WDR43: variants seen among roughly 807,000 people sequenced by gnomAD.
The protein encoded by WDR43 is WD repeat-containing protein 43.
In WDR43, 13 loss-of-function variants were observed where a neutral mutation model predicts 91.4. The observed-to-expected ratio is 0.14, with a 90% CI of 0.09 to 0.23. The LOEUF is 0.23. Among genes scored for constraint, WDR43 ranks in the 10% least tolerant of loss-of-function variants. WDR43 has a pLI of 1.00. For missense variants in WDR43, 780 were observed against 809.4 expected (o/e 0.96, Z 0.44); for synonymous variants, 331 against 287.9 (o/e 1.15, Z -1.51).
intron 7 of WDR43, among the ~76,000 whole-genome samples, 153 bp downstream of exon 7, chr2:28,923,136 C>T (rs981341906): frequency 6.6e-6 from 1 of 152,134 alleles, no homozygotes; most frequent in Non-Finnish European, 1.5e-5. Context: ...TATACATTGC[C>T]AGTTAAAACT....
In WDR43 at chr2:28,895,618, G is replaced by T. The variant is rs575922911; in HGVS notation, c.225+695G>T. On this transcript the variant is annotated intron_variant, in intron 1 of 17. Coordinates refer to ENST00000407426, the MANE Select transcript of WDR43 (RefSeq NM_015131.3). The stretch of plus-strand genomic sequence containing the variant: ...CTGAAGTCTGTATTAGGATGTGGAG[G>T]TTAAGTGAAGTAGTAGCTTGATTTA... 1.1e-4 allele frequency among the ~76,000 whole-genome samples: 17 copies of T among 152,276 alleles called. No individual in the cohort carries two copies. In the South Asian group the frequency reaches 3.5e-3, roughly 32 times the overall value.
chr2:28,929,616 A>G lies in WDR43; in HGVS notation c.1343A>G (p.Asp448Gly). ...GAACGTCTGGGAGCAATGGATATAG[A>G]CACACACAAAAAAGGAAAGGAAGAC... ...IEERLGAMDI[D>G]THKKGKEDLQ... Residue 448 changes from aspartate (D) to glycine (G), a missense_variant, in exon 11 of 18, where the codon GAC becomes GGC. Physicochemically the swap from Asp to Gly is moderately conservative, Grantham distance 94. Coordinates refer to ENST00000407426, the MANE Select transcript of WDR43 (RefSeq NM_015131.3). 6.2e-7 allele frequency: 1 copy of G among 1,613,618 alleles called. No individual in the cohort carries two copies. Among genetic ancestry groups the G allele is most frequent in the South Asian group, 1.1e-5 (1 of 91,058 alleles).
At chr2:28,900,936 G>A (rs1670568892) in intron 1 of WDR43, among the ~76,000 whole-genome samples, 1 of 152,270 alleles carries the variant, frequency 6.6e-6, no homozygotes, top group Non-Finnish European at 1.5e-5. Flanking sequence ...AGAAAAAAAT[G>A]GAAAGTGCTT....
At chr2:28,912,538 G>C in intron 3 of WDR43, 52 bp from the exon 4 acceptor site, 1 of 1,583,302 alleles carries the variant, frequency 6.3e-7, no homozygotes, top group African/African-American at 1.4e-5. Context: ...TCTGCTCTGA[G>C]TAAAGTTTTC....
At chr2:28,919,429 G>A (rs1670979423) in intron 6 of WDR43, among the ~76,000 whole-genome samples, 1 of 152,164 alleles carries the variant, frequency 6.6e-6, no homozygotes, top group African/African-American at 2.4e-5. Context: ...AGCACTTTGG[G>A]AGGCCGAGGC....
chr2:28,916,687 T>C (rs949231914), intron 5 of WDR43, among the ~76,000 whole-genome samples: 2 of 152,174 alleles, frequency 1.3e-5, no homozygotes, highest in Non-Finnish European at 2.9e-5. Context: ...TTTATAATTG[T>C]TAAGTCCTAT....
At chr2:28,936,272 AAT>A (rs1671336315) in intron 12 of WDR43, among the ~76,000 whole-genome samples, 1 of 152,168 alleles carries the variant, frequency 6.6e-6, no homozygotes, top group Admixed American at 6.5e-5. Context: ...TAGGCCTAAA[AAT>A]AGAGTGTATT....
At chr2:28,939,272 C>T (rs1218326575) in intron 14 of WDR43, among the ~76,000 whole-genome samples, 1 of 152,014 alleles carries the variant, frequency 6.6e-6, no homozygotes, top group African/African-American at 2.4e-5. Context: ...TGAACGATCC[C>T]AGCAGACATC....
At chr2:28,937,212 T>A (rs142733436) in intron 13 of WDR43, among the ~76,000 whole-genome samples, 1 of 152,210 alleles carries the variant, frequency 6.6e-6, no homozygotes, top group South Asian at 2.1e-4. Flanking sequence ...AGTGTTGATA[T>A]CGTAAAACTG....
rs1359754106 is a variant in WDR43 at position 28,947,366 on chromosome 2, G to C, written c.*587G>C. 1 of 151,994 alleles carries C rather than the reference G, an allele frequency of 6.6e-6. No homozygotes were observed. The highest frequency in any genetic ancestry group is 2.4e-5 in the African/African-American group (1 of 41,376). The allele number at this position is 151,994 out of a possible 1,614,324, so 9.4% of individuals were successfully genotyped here. ...CTGACTTGAGTCAGATTGAATATTT[G>C]GAGTGCTTCCCCAGAATAACCACTT... On this transcript the variant is annotated 3_prime_UTR_variant, in exon 18 of 18. Coordinates refer to ENST00000407426, the MANE Select transcript of WDR43 (RefSeq NM_015131.3).
intron 15 of WDR43, 80 bp downstream of exon 15, chr2:28,941,654 A>G: frequency 1.8e-6 from 2 of 1,118,258 alleles, no homozygotes; most frequent in Non-Finnish European, 1.3e-6. Context: ...ATTTTGAGAC[A>G]GGGTCTTGCT....
chr2:28,926,928 TA>T (rs1671152880), intron 9 of WDR43: 2 of 374,158 alleles, frequency 5.3e-6, no homozygotes, highest in African/African-American at 4.2e-5. Flanking sequence ...TTTCAGGGTG[TA>T]ATAAAACCGT....
At position 28,940,116 on chromosome 2, in the gene WDR43, A is replaced by AAC. The variant is rs1479925603; in HGVS notation, c.1621-1344_1621-1343insCA. The stretch of plus-strand genomic sequence containing the variant: ...GACAGAGCGAGACTCCGTCTCAAAA[A>AAC]AAAAAAAAAAAAAGAATGGAGTCCG... On this transcript the variant is annotated intron_variant, in intron 14 of 17. Coordinates refer to ENST00000407426, the MANE Select transcript of WDR43 (RefSeq NM_015131.3). Among the ~76,000 whole-genome samples the AAC allele has an allele frequency of 2.6e-5, 4 of 151,522 alleles. No individual in the cohort carries two copies. The East Asian group carries it at 7.7e-4, about 29-fold the overall frequency.
chr2:28,920,644 C>T (rs1175628613), intron 6 of WDR43, among the ~76,000 whole-genome samples: 3 of 152,084 alleles, frequency 2.0e-5, no homozygotes, highest in Non-Finnish European at 1.5e-5. Flanking sequence ...AAACTTGCCA[C>T]TAGTCTATGT....
At chr2:28,932,976 G>A (rs1294319647) in intron 11 of WDR43, among the ~76,000 whole-genome samples, 1 of 152,192 alleles carries the variant, frequency 6.6e-6, no homozygotes, top group South Asian at 2.1e-4. Flanking sequence ...ACAGTTGAGA[G>A]AAGTTAATGA....
At chr2:28,922,823 G>GTTTTT in intron 6 of WDR43, 96 bp from the exon 7 acceptor site, 1 of 448,562 alleles carries the variant, frequency 2.2e-6, no homozygotes, top group Non-Finnish European at 3.6e-6. Flanking sequence ...TTCTGGTTGT[G>GTTTTT]TAATGGGGTG....
chr2:28,896,913 C>T (rs1360422906), intron 1 of WDR43, among the ~76,000 whole-genome samples: 1 of 152,156 alleles, frequency 6.6e-6, no homozygotes, highest in African/African-American at 2.4e-5. Flanking sequence ...TTTATCTGCA[C>T]TGTCTCCTTT....
At chr2:28,897,917 A>T (rs1298986655) in intron 1 of WDR43, among the ~76,000 whole-genome samples, 2 of 152,202 alleles carry the variant, frequency 1.3e-5, no homozygotes, top group South Asian at 2.1e-4. Flanking sequence ...GGGGAAGAGG[A>T]CCTTTAATGA....
chr2:28,945,385 C>T (rs1359895275), intron 16 of WDR43, among the ~76,000 whole-genome samples: 1 of 152,200 alleles, frequency 6.6e-6, no homozygotes, highest in Non-Finnish European at 1.5e-5. Context: ...CCAAACTAGA[C>T]TCGAGTTTTG....
Sources: allele counts gnomAD v4.1 joint callset (sites outside exome capture counted in the v4.1 genomes callset), GRCh38; gene constraint gnomAD v4.1.1; transcripts MANE v1.5; gene names NCBI Gene and HGNC (gene_info 2026-07-23, HGNC 2026-07-21).